ZNF695: variants seen among roughly 807,000 people sequenced by gnomAD.
ZNF695 encodes zinc finger protein SBZF3.
Under a neutral mutation model 11.2 loss-of-function variants are expected in ZNF695, and 11 were observed. That is an observed-to-expected ratio of 0.98 (90% CI 0.62 to 1.62). The LOEUF (loss-of-function observed/expected upper bound fraction) is 1.62, where lower values mean the gene tolerates loss of function less well. Among genes scored for constraint, ZNF695 ranks in the 40% most tolerant of loss-of-function variants. ZNF695 has a pLI of 0.00. For missense variants in ZNF695, 559 were observed against 590.5 expected (o/e 0.95, Z 0.55); for synonymous variants, 190 against 201.4 (o/e 0.94, Z 0.48).
intron 5 of ZNF695, among the ~76,000 whole-genome samples, chr1:246,956,322 G>C (rs1376832746): frequency 6.6e-6 from 1 of 150,780 alleles, no homozygotes; most frequent in East Asian, 2.0e-4. Context: ...ATCTATAAAA[G>C]ATGGTCATGG....
At chr1:246,949,527 G>A (rs998740604) in intron 5 of ZNF695, among the ~76,000 whole-genome samples, 1 of 151,022 alleles carries the variant, frequency 6.6e-6, no homozygotes, top group Non-Finnish European at 1.5e-5. Flanking sequence ...GGAGGTGGAG[G>A]TTGCAGTGAG....
intron 5 of ZNF695, among the ~76,000 whole-genome samples, chr1:246,956,747 G>C (rs1307105980): frequency 6.6e-6 from 1 of 152,130 alleles, no homozygotes; most frequent in Non-Finnish European, 1.5e-5. Flanking sequence ...TGGTCTTGCT[G>C]TGTTGCCCAA....
intron 3 of ZNF695, among the ~76,000 whole-genome samples, chr1:246,991,082 G>T (rs571366781): frequency 6.6e-6 from 1 of 151,858 alleles, no homozygotes; most frequent in Non-Finnish European, 1.5e-5. Context: ...CCCAAAATTA[G>T]TAGAAGAAAA....
intron 5 of ZNF695, chr1:246,966,797 A>C: frequency 6.6e-6 from 3 of 456,680 alleles, no homozygotes; most frequent in South Asian, 4.6e-5. Flanking sequence ...AGGAAAAAAA[A>C]GTCAAAATGA....
At chr1:246,998,434 TCA>T (rs1481376995) in intron 3 of ZNF695, among the ~76,000 whole-genome samples, 2 of 152,186 alleles carry the variant, frequency 1.3e-5, no homozygotes, top group Admixed American at 6.6e-5. Context: ...AAATCTCAGT[TCA>T]CACAAAAGAA....
intron 4 of ZNF695, among the ~76,000 whole-genome samples, chr1:246,977,999 G>GT (rs1668612064): frequency 1.3e-5 from 2 of 152,156 alleles, no homozygotes; most frequent in Non-Finnish European, 1.5e-5. Context: ...AAAAACCAGT[G>GT]TTTTTTAATT....
At chr1:246,974,490 T>C (rs1156855420) in intron 4 of ZNF695, among the ~76,000 whole-genome samples, 1 of 152,228 alleles carries the variant, frequency 6.6e-6, no homozygotes, top group African/African-American at 2.4e-5. Context: ...TGGACTACCA[T>C]GTACATATAG....
chr1:246,971,701 G>A (rs1241488799), intron 4 of ZNF695, among the ~76,000 whole-genome samples: 2 of 152,130 alleles, frequency 1.3e-5, no homozygotes, highest in Admixed American at 1.3e-4. Flanking sequence ...GGAATAAAGA[G>A]TAATGCTAGA....
intron 3 of ZNF695, among the ~76,000 whole-genome samples, chr1:246,991,153 A>G (rs1262696762): frequency 2.0e-5 from 3 of 152,192 alleles, no homozygotes; most frequent in Admixed American, 6.5e-5. Flanking sequence ...CAAAAGATCA[A>G]TGAAACAAAA....
chr1:246,969,975 T>A (rs990807100), intron 4 of ZNF695, among the ~76,000 whole-genome samples: 2 of 152,204 alleles, frequency 1.3e-5, no homozygotes, highest in African/African-American at 4.8e-5. Context: ...CAACATGAGA[T>A]GTGGGTGGGA....
At chr1:247,002,758 G>C (rs1310368178) in intron 1 of ZNF695, among the ~76,000 whole-genome samples, 4 of 152,048 alleles carry the variant, frequency 2.6e-5, no homozygotes, top group Admixed American at 1.3e-4. Context: ...ACTACAGCCT[G>C]GGTGAAAGAG....
At chr1:246,977,966 C>T (rs1238673808) in intron 4 of ZNF695, among the ~76,000 whole-genome samples, 4 of 152,162 alleles carry the variant, frequency 2.6e-5, no homozygotes, top group Admixed American at 6.5e-5. Flanking sequence ...AAATGTGAAG[C>T]TAATAGGACA....
chr1:247,006,235 G>GA (rs57859895), intron 1 of ZNF695, among the ~76,000 whole-genome samples: 205 of 81,802 alleles, frequency 2.5e-3, no homozygotes, highest in East Asian at 0.015. Context: ...AAAAAAAAAA[G>GA]AAAAAAAAAA....
At chr1:246,954,681 CTG>C in intron 5 of ZNF695, among the ~76,000 whole-genome samples, 1 of 152,176 alleles carries the variant, frequency 6.6e-6, no homozygotes, top group Non-Finnish European at 1.5e-5. Flanking sequence ...ATCAGATCAT[CTG>C]TAAAAATGTG....
At chr1:246,988,371 C>A (rs1189183537) in intron 3 of ZNF695, 116 bp from the exon 4 acceptor site, 4 of 729,408 alleles carry the variant, frequency 5.5e-6, no homozygotes, top group Non-Finnish European at 8.4e-6. Context: ...TACCACAGGC[C>A]CTTATTCCTT....
chr1:247,000,164 G>A, intron 1 of ZNF695, 90 bp from the exon 2 acceptor site: 1 of 1,060,966 alleles, frequency 9.4e-7, no homozygotes, highest in Non-Finnish European at 1.4e-6. Context: ...AACTGGCTCT[G>A]ACTTATATGA....
At chr1:246,991,928 G>T (rs948408479) in intron 3 of ZNF695, among the ~76,000 whole-genome samples, 9 of 152,114 alleles carry the variant, frequency 5.9e-5, no homozygotes, top group Admixed American at 1.3e-4. Flanking sequence ...GGGCGCGGTG[G>T]CTCATAACTG....
intron 1 of ZNF695, among the ~76,000 whole-genome samples, chr1:247,003,316 T>A (rs1190151030): frequency 6.6e-6 from 1 of 152,186 alleles, no homozygotes; most frequent in African/African-American, 2.4e-5. Flanking sequence ...TGCAGCAACA[T>A]GAATGCTGCT....
chr1:246,978,403 T>A (rs1668621577), intron 4 of ZNF695, among the ~76,000 whole-genome samples: 1 of 152,240 alleles, frequency 6.6e-6, no homozygotes, highest in African/African-American at 2.4e-5. Flanking sequence ...AACCTGTTAA[T>A]CTTTTGTAAG....
Sources: gnomAD v4.1 joint callset for allele counts (sites outside exome capture counted in the v4.1 genomes callset) on GRCh38, gnomAD v4.1.1 for gene constraint, MANE v1.5 for transcripts, NCBI Gene and HGNC (gene_info 2026-07-23, HGNC 2026-07-21) for gene names.